Variants in PRKN observed in about 807,000 individuals in gnomAD.
PRKN encodes E3 ubiquitin-protein ligase parkin.
A neutral mutation model predicts 59.5 loss-of-function variants in PRKN; 56 were observed. The observed-to-expected ratio is 0.94, with a 90% CI of 0.76 to 1.18. The LOEUF (loss-of-function observed/expected upper bound fraction) is 1.18, where lower values mean the gene tolerates loss of function less well. Ranked by LOEUF, PRKN falls within the 50% of genes most tolerant of loss-of-function variation. The pLI is 0.00. For synonymous variants in PRKN, 250 were observed against 222.1 expected (o/e 1.13, Z -1.12); for missense variants, 657 against 596.4 (o/e 1.10, Z -1.06).
chr6:162,549,857 C>G (rs560903954), intron 1 of PRKN, among the ~76,000 whole-genome samples: 31 of 152,212 alleles, frequency 2.0e-4, no homozygotes, highest in African/African-American at 5.8e-4. Context: ...CAGGCTGTCT[C>G]CAACTCCTGC....
At chr6:162,393,159 T>C (rs1787296347) in intron 2 of PRKN, among the ~76,000 whole-genome samples, 1 of 128,824 alleles carries the variant, frequency 7.8e-6, no homozygotes, top group Admixed American at 7.9e-5. Flanking sequence ...GAGATTCTTT[T>C]TTTTTTTTTT....
chr6:161,833,414 A>T (rs1306543485), intron 6 of PRKN, among the ~76,000 whole-genome samples: 1 of 152,222 alleles, frequency 6.6e-6, no homozygotes, highest in Non-Finnish European at 1.5e-5. Context: ...TATAATATGA[A>T]GTGCTAATCC....
chr6:161,382,990 T>C (rs1202493407), intron 10 of PRKN, among the ~76,000 whole-genome samples: 1 of 152,128 alleles, frequency 6.6e-6, no homozygotes, highest in Non-Finnish European at 1.5e-5. Flanking sequence ...CTGAATGGAA[T>C]TGAAAGAAAG....
At chr6:161,854,767 G>A (rs554687309) in intron 6 of PRKN, among the ~76,000 whole-genome samples, 6 of 152,008 alleles carry the variant, frequency 3.9e-5, no homozygotes, top group East Asian at 1.9e-4. Flanking sequence ...TGAAAAACTC[G>A]CATGTCTTAC....
intron 1 of PRKN, among the ~76,000 whole-genome samples, chr6:162,560,234 C>G (rs2023016): frequency 0.18 from 27,935 of 152,040 alleles, 3,230 homozygotes; most frequent in East Asian, 0.49. Context: ...CAATAAAAAC[C>G]TTAGAAGTTT....
chr6:162,700,596 A>G (rs1778119762), intron 1 of PRKN, among the ~76,000 whole-genome samples: 1 of 152,170 alleles, frequency 6.6e-6, no homozygotes, highest in Non-Finnish European at 1.5e-5. Context: ...ATTCAGTGAC[A>G]TGATTCAGTT....
At chr6:162,699,601 A>G (rs767501863) in intron 1 of PRKN, among the ~76,000 whole-genome samples, 1 of 152,230 alleles carries the variant, frequency 6.6e-6, no homozygotes. Flanking sequence ...ATCATATATT[A>G]AACAAAAGCT....
intron 3 of PRKN, among the ~76,000 whole-genome samples, chr6:162,243,118 T>C (rs752012047): frequency 2.6e-5 from 4 of 152,116 alleles, no homozygotes; most frequent in Non-Finnish European, 5.9e-5. Flanking sequence ...GTCCTCCACA[T>C]GGCAATGACC....
At chr6:162,218,897 G>T (rs985124990) in intron 3 of PRKN, among the ~76,000 whole-genome samples, 1 of 152,074 alleles carries the variant, frequency 6.6e-6, no homozygotes, top group Non-Finnish European at 1.5e-5. Flanking sequence ...TACACACCTC[G>T]GCATGGTGGC....
chr6:161,696,895 A>C (rs1786045302), intron 7 of PRKN, among the ~76,000 whole-genome samples: 1 of 152,180 alleles, frequency 6.6e-6, no homozygotes, highest in African/African-American at 2.4e-5. Context: ...GATTTTTTGT[A>C]GGTAGAACTG....
At chr6:162,218,146 G>A (rs569353736) in intron 3 of PRKN, among the ~76,000 whole-genome samples, 1 of 152,186 alleles carries the variant, frequency 6.6e-6, no homozygotes. Flanking sequence ...GAGTCTCTGG[G>A]AGCACTTGCT....
At chr6:161,887,469 C>T (rs1388144821) in intron 6 of PRKN, among the ~76,000 whole-genome samples, 1 of 152,192 alleles carries the variant, frequency 6.6e-6, no homozygotes. Context: ...CAGAATTTCA[C>T]TCCTTAATTC....
chr6:161,904,661 G>A (rs562424587), intron 6 of PRKN, among the ~76,000 whole-genome samples: 7 of 152,194 alleles, frequency 4.6e-5, no homozygotes, highest in African/African-American at 1.4e-4. Context: ...AAGACCGCAG[G>A]GGGTGGGCCT....
chr6:162,236,631 CAAA>C (rs59445175), intron 3 of PRKN, among the ~76,000 whole-genome samples: 2 of 146,892 alleles, frequency 1.4e-5, no homozygotes, highest in African/African-American at 5.0e-5. Flanking sequence ...ACTAAAAATA[CAAA>C]AAAAAAAAAA....
rs146885460 is a variant in PRKN at position 161,410,387 on chromosome 6, G to A, written c.1084-23510C>T. Among the ~76,000 whole-genome samples the A allele has an allele frequency of 3.8e-3, 583 of 152,224 alleles. 5 individuals carry two copies. Among genetic ancestry groups the A allele is most frequent in the African/African-American group, 0.013 (556 of 41,510 alleles). On this transcript the variant is annotated intron_variant, in intron 9 of 11. Coordinates refer to ENST00000366898, the MANE Select transcript of PRKN (RefSeq NM_004562.3). This position sits in a 1 kb window ranked among gnomAD's most constrained non-coding sequence, Gnocchi z 5.3. ...TTTTTCAGTCCTTTCCTGGCCTGGG[G>A]GAAGCACGTACAATCCCTGAGCTAT...
chr6:162,678,595 T>A (rs537461290), intron 1 of PRKN, among the ~76,000 whole-genome samples: 1 of 152,254 alleles, frequency 6.6e-6, no homozygotes, highest in Non-Finnish European at 1.5e-5. Flanking sequence ...CTGTATACTA[T>A]CTTTGGGGAA....
At chr6:161,492,018 T>C (rs1349243662) in intron 9 of PRKN, among the ~76,000 whole-genome samples, 1 of 152,194 alleles carries the variant, frequency 6.6e-6, no homozygotes, top group African/African-American at 2.4e-5. Context: ...TTGGGAGAAT[T>C]AAGTAAGGTA....
At chr6:162,538,127 G>C (rs188700622) in intron 1 of PRKN, among the ~76,000 whole-genome samples, 1 of 152,122 alleles carries the variant, frequency 6.6e-6, no homozygotes, top group East Asian at 1.9e-4. Flanking sequence ...CGGCGGGTGC[G>C]GTGGCTCACG....
chr6:161,853,968 C>T (rs868200250), intron 6 of PRKN, among the ~76,000 whole-genome samples: 1 of 151,626 alleles, frequency 6.6e-6, no homozygotes, highest in African/African-American at 2.4e-5. Flanking sequence ...AAAATTGGCC[C>T]GGTATGGTGG....
Sources: allele counts gnomAD v4.1 joint callset (sites outside exome capture counted in the v4.1 genomes callset), GRCh38; gene constraint gnomAD v4.1.1; non-coding constraint Gnocchi (gnomAD v3.1); transcripts MANE v1.5; gene names NCBI Gene and HGNC (gene_info 2026-07-23, HGNC 2026-07-21).